PCDH15: variants seen among roughly 807,000 people sequenced by gnomAD.
PCDH15 encodes protocadherin-15.
Under a neutral mutation model 178.5 loss-of-function variants are expected in PCDH15, and 129 were observed. That is an observed-to-expected ratio of 0.72 (90% CI 0.63 to 0.84). The LOEUF is 0.84. PCDH15 is among the 40% of genes least tolerant of loss of function. PCDH15 has a pLI of 0.00. For synonymous variants in PCDH15, 800 were observed against 732.0 expected (o/e 1.09, Z -1.50); for missense variants, 2,230 against 2,099.9 (o/e 1.06, Z -1.21).
chr10:55,028,750 C>T (rs567502358), intron 2 of PCDH15, among the ~76,000 whole-genome samples: 6 of 152,028 alleles, frequency 3.9e-5, no homozygotes, highest in African/African-American at 1.4e-4. Context: ...GAAAATTATA[C>T]AAATTTTCAG....
rs2092403482 is a variant in PCDH15 at position 54,599,242 on chromosome 10, C to A, written c.91+64930G>T. Reference sequence around the variant, plus strand: ...GAACAAAGCCGGAGGCATCATGCTACCTGACTTCAAACTATCCTACAGGGC... The same window carrying A: ...GAACAAAGCCGGAGGCATCATGCTAACTGACTTCAAACTATCCTACAGGGC... On this transcript the variant is annotated intron_variant, in intron 2 of 37. Coordinates refer to ENST00000644397, the MANE Select transcript of PCDH15 (RefSeq NM_001384140.1). Among the ~76,000 whole-genome samples the A allele has an allele frequency of 2.6e-5, 4 of 152,090 alleles. No individual in the cohort carries two copies. In the South Asian group the frequency reaches 8.3e-4, roughly 32 times the overall value.
intron 2 of PCDH15, among the ~76,000 whole-genome samples, chr10:55,572,019 T>C (rs1324245466): frequency 1.3e-5 from 2 of 152,068 alleles, no homozygotes; most frequent in African/African-American, 2.4e-5. Context: ...ATTTTAATTG[T>C]TTTCAATATT....
intron 21 of PCDH15, among the ~76,000 whole-genome samples, chr10:53,972,931 G>C (rs1400295227): frequency 2.6e-5 from 4 of 152,066 alleles, no homozygotes; most frequent in African/African-American, 9.7e-5. Flanking sequence ...CCCAGCCATC[G>C]CATTACTGGG....
In PCDH15 at chr10:54,132,944, G is replaced by A; in HGVS notation, c.1848C>T (p.Phe616=). The change falls in exon 15 of 38, where the codon TTC becomes TTT. Residue 616 remains phenylalanine (F), a synonymous_variant. Transcript: ENST00000644397. ...TTTCAAGGCTATACATCAGCTGTGG[G>A]AAGCGAGGAGGGCTTTGATTATTTG... ...LPPNNQSPPR[F]PQLMYSLEIS... 6.2e-7 allele frequency: 1 copy of A among 1,614,106 alleles called. No homozygotes were observed. Among genetic ancestry groups the A allele is most frequent in the African/African-American group, 1.3e-5 (1 of 75,038 alleles).
chr10:55,527,644 C>T lies in PCDH15; in HGVS notation c.-156+99981G>A, dbSNP rs151073589. 7.1e-3 allele frequency among the ~76,000 whole-genome samples: 1,084 copies of T among 151,776 alleles called. 7 individuals are homozygous for T. Among genetic ancestry groups the T allele is most frequent in the Admixed American group, 0.012 (187 of 15,178 alleles). On this transcript the variant is annotated intron_variant, in intron 2 of 5. Transcript: ENST00000613346. ...AATATACATGAATTTTGTTTTCTTT[C>T]TTATTAAGTCAAACTTAATATCAAA...
Position 54,236,934 on chromosome 10 carries a change from G to GA in PCDH15, c.877-4dup, listed in dbSNP as rs200395027. The GA allele has an allele frequency of 3.3e-4, 526 of 1,596,510 alleles. No individual in the cohort carries two copies. Among genetic ancestry groups the GA allele is most frequent in the Non-Finnish European group, 4.1e-4 (478 of 1,166,280 alleles). Reference sequence around the variant, plus strand: ...ACAATAATGGGGTTCAGTTCTTCCTGAAAAAAAAATTAAGAGAGTTTCATT... The same window carrying GA: ...ACAATAATGGGGTTCAGTTCTTCCTGAAAAAAAAAATTAAGAGAGTTTCATT... On this transcript the variant is annotated splice_region_variant and splice_polypyrimidine_tract_variant and intron_variant, in intron 8 of 37. Transcript: ENST00000644397.
chr10:55,144,469 T>C (rs186930384), intron 2 of PCDH15, among the ~76,000 whole-genome samples: 1 of 152,256 alleles, frequency 6.6e-6, no homozygotes, highest in Admixed American at 6.5e-5. Context: ...GAGGTGGATC[T>C]ATTGATCTGC....
At chr10:55,352,475 G>C (rs1355244046) in intron 2 of PCDH15, among the ~76,000 whole-genome samples, 1 of 152,108 alleles carries the variant, frequency 6.6e-6, no homozygotes, top group Non-Finnish European at 1.5e-5. Flanking sequence ...ATAGTGGCCA[G>C]CCATCAGAAG....
At chr10:54,447,171 C>G (rs139810067) in intron 3 of PCDH15, among the ~76,000 whole-genome samples, 74 of 151,726 alleles carry the variant, frequency 4.9e-4, no homozygotes, top group African/African-American at 1.6e-3. Flanking sequence ...GACTGAGCAT[C>G]TGGTACATGA....
intron 2 of PCDH15, among the ~76,000 whole-genome samples, chr10:55,003,762 T>G (rs1334243450): frequency 6.6e-6 from 1 of 152,224 alleles, no homozygotes; most frequent in East Asian, 1.9e-4. Context: ...TTTATGGAGC[T>G]GATGAGACCC....
At chr10:53,975,565 C>T (rs1271914714) in intron 21 of PCDH15, among the ~76,000 whole-genome samples, 1 of 151,986 alleles carries the variant, frequency 6.6e-6, no homozygotes, top group African/African-American at 2.4e-5. Context: ...TTGTTAGTTG[C>T]TTGTATGTTT....
At chr10:54,875,482 A>G (rs1954124040) in intron 3 of PCDH15, among the ~76,000 whole-genome samples, 1 of 152,186 alleles carries the variant, frequency 6.6e-6, no homozygotes, top group Admixed American at 6.6e-5. Flanking sequence ...ACATATTTAA[A>G]GACAAAATAG....
intron 15 of PCDH15, among the ~76,000 whole-genome samples, chr10:54,122,093 A>G (rs2041580214): frequency 6.6e-6 from 1 of 151,786 alleles, no homozygotes; most frequent in African/African-American, 2.4e-5. Context: ...AAGAACACAG[A>G]CACAAAAATT....
chr10:53,999,372 A>T (rs1240137780), intron 20 of PCDH15, among the ~76,000 whole-genome samples: 1 of 152,006 alleles, frequency 6.6e-6, no homozygotes, highest in Non-Finnish European at 1.5e-5. Context: ...TATTTCTCAT[A>T]TTATTAGCAT....
chr10:55,254,211 C>A (rs183620027), intron 1 of PCDH15, among the ~76,000 whole-genome samples: 22 of 152,128 alleles, frequency 1.4e-4, no homozygotes, highest in Admixed American at 1.2e-3. Context: ...TGTCTAAAAC[C>A]AATAGTTACT....
At chr10:55,353,717 C>T (rs1183234053) in intron 2 of PCDH15, among the ~76,000 whole-genome samples, 2 of 152,044 alleles carry the variant, frequency 1.3e-5, no homozygotes, top group East Asian at 3.9e-4. Context: ...TCACACATCA[C>T]ATACCTTGCA....
intron 2 of PCDH15, among the ~76,000 whole-genome samples, chr10:54,603,449 C>T (rs1278424265): frequency 3.4e-5 from 5 of 148,874 alleles, no homozygotes; most frequent in East Asian, 2.0e-4. Flanking sequence ...TTTTTTCTGT[C>T]TTTGGCTAGT....
At chr10:54,303,479 T>C (rs568439874) in intron 8 of PCDH15, among the ~76,000 whole-genome samples, 12 of 152,046 alleles carry the variant, frequency 7.9e-5, no homozygotes, top group Non-Finnish European at 1.6e-4. Flanking sequence ...GATGTTAGTA[T>C]GTGGAAATGT....
intron 3 of PCDH15, among the ~76,000 whole-genome samples, chr10:54,856,291 G>A (rs1012610921): frequency 1.3e-5 from 2 of 152,134 alleles, no homozygotes; most frequent in Admixed American, 1.3e-4. Context: ...TATGGGGCAG[G>A]AGGAACTGGG....
Sources: allele counts gnomAD v4.1 joint callset (sites outside exome capture counted in the v4.1 genomes callset), GRCh38; gene constraint gnomAD v4.1.1; transcripts MANE v1.5; gene names NCBI Gene and HGNC (gene_info 2026-07-23, HGNC 2026-07-21).